ROCK2: variants seen among roughly 807,000 people sequenced by gnomAD.
ROCK2 encodes the protein rho-associated protein kinase 2.
Under a neutral mutation model 195.1 loss-of-function variants are expected in ROCK2, and 61 were observed. The ratio of observed to expected loss-of-function variants is 0.31; its 90% CI spans 0.25 to 0.39. ROCK2 has a LOEUF of 0.39. Among genes scored for constraint, ROCK2 ranks in the 10% least tolerant of loss-of-function variants. The pLI is 1.00. For missense variants in ROCK2, 1,109 were observed against 1,637.4 expected, an observed-to-expected ratio of 0.68 and a Z score of 5.57; for synonymous variants, 504 against 545.5, an observed-to-expected ratio of 0.92 and a Z score of 1.06.
intron 1 of ROCK2, among the ~76,000 whole-genome samples, chr2:11,318,472 T>C (rs1174796996): frequency 6.6e-6 from 1 of 152,202 alleles, no homozygotes; most frequent in Non-Finnish European, 1.5e-5. Flanking sequence ...TTTTTTCTTG[T>C]AAATTTGAGT....
At chr2:11,313,475 ATTT>A (rs1668100040) in intron 1 of ROCK2, among the ~76,000 whole-genome samples, 1 of 151,862 alleles carries the variant, frequency 6.6e-6, no homozygotes, top group Admixed American at 6.6e-5. Flanking sequence ...CCTGAGCATT[ATTT>A]TTGTCGTTTG....
chr2:11,335,184 A>G (rs1312889970), intron 1 of ROCK2, among the ~76,000 whole-genome samples: 1 of 152,024 alleles, frequency 6.6e-6, no homozygotes, highest in Non-Finnish European at 1.5e-5. Context: ...GGGGAATGAG[A>G]GAAATGCTAA....
intron 1 of ROCK2, 21 bp downstream of exon 1, chr2:11,343,975 T>C (rs1224579732): frequency 6.3e-7 from 1 of 1,583,478 alleles, no homozygotes. Context: ...ACGAGCAAGC[T>C]CCCAGGCCCC....
In ROCK2 at chr2:11,314,942, T is replaced by A. The variant is rs376953273; in HGVS notation, c.142-27206A>T. ...CTTTATTAAAATGTGCATATTCTTA[T>A]CCATAAGCAAAACCTATGAAAATGA... On this transcript the variant is annotated intron_variant, in intron 1 of 32. Coordinates refer to ENST00000315872, the MANE Select transcript of ROCK2 (RefSeq NM_004850.5). Among the ~76,000 whole-genome samples, 4 of 152,030 alleles carry A rather than the reference T, an allele frequency of 2.6e-5. No homozygotes were observed. The East Asian group carries it at 5.8e-4, about 22-fold the overall frequency.
intron 3 of ROCK2, among the ~76,000 whole-genome samples, chr2:11,266,603 A>G (rs754513004): frequency 6.6e-6 from 1 of 152,234 alleles, no homozygotes; most frequent in Non-Finnish European, 1.5e-5. Flanking sequence ...ACCAACTATT[A>G]TAAAACTTTC....
At chr2:11,280,721 C>T (rs187846428) in intron 3 of ROCK2, among the ~76,000 whole-genome samples, 2 of 152,112 alleles carry the variant, frequency 1.3e-5, no homozygotes, top group Non-Finnish European at 2.9e-5. Flanking sequence ...TGCCAAAACT[C>T]ATACAAGAAG....
At chr2:11,239,651 C>T (rs1665354164) in intron 4 of ROCK2, among the ~76,000 whole-genome samples, 1 of 152,152 alleles carries the variant, frequency 6.6e-6, no homozygotes, top group African/African-American at 2.4e-5. Flanking sequence ...GGTAAATGAG[C>T]AAATAACATG....
chr2:11,334,510 C>CAAA (rs34182610), intron 1 of ROCK2, among the ~76,000 whole-genome samples: 102 of 89,450 alleles, frequency 1.1e-3, no homozygotes, highest in South Asian at 3.6e-3. Context: ...GACTCTGTCT[C>CAAA]AAAAAAAAAA....
chr2:11,292,421 G>A (rs975574918), intron 1 of ROCK2, among the ~76,000 whole-genome samples: 1 of 152,100 alleles, frequency 6.6e-6, no homozygotes, highest in African/African-American at 2.4e-5. Flanking sequence ...CACAGAAACT[G>A]AAGCTTAAAG....
At chr2:11,318,065 A>G (rs1002320641) in intron 1 of ROCK2, among the ~76,000 whole-genome samples, 1 of 152,158 alleles carries the variant, frequency 6.6e-6, no homozygotes, top group Non-Finnish European at 1.5e-5. Context: ...TAGTGCCGCA[A>G]TAAACATACG....
At chr2:11,246,716 G>C (rs1340282888) in intron 4 of ROCK2, among the ~76,000 whole-genome samples, 1 of 152,054 alleles carries the variant, frequency 6.6e-6, no homozygotes, top group Non-Finnish European at 1.5e-5. Flanking sequence ...TCTAACAAAA[G>C]TATAGTAACT....
chr2:11,301,234 C>G (rs1294496618), intron 1 of ROCK2, among the ~76,000 whole-genome samples: 2 of 151,584 alleles, frequency 1.3e-5, no homozygotes, highest in Non-Finnish European at 2.9e-5. Flanking sequence ...TACTATAGTC[C>G]ATGTATACAA....
intron 3 of ROCK2, among the ~76,000 whole-genome samples, chr2:11,264,418 T>G (rs966028345): frequency 3.3e-5 from 5 of 152,142 alleles, no homozygotes; most frequent in African/African-American, 1.2e-4. Flanking sequence ...CAGTGATGAC[T>G]CCTAATTTTT....
Position 11,344,437 on chromosome 2 carries a change from AG to A in ROCK2, c.-302del, listed in dbSNP as rs1669221169. 9.6e-7 allele frequency: 1 copy of A among 1,041,708 alleles called. No individual in the cohort carries two copies. The highest frequency in any genetic ancestry group is 7.4e-5 in the East Asian group (1 of 13,562). The allele number at this position is 1,041,708 out of a possible 1,614,324, so 64.5% of individuals were successfully genotyped here. On this transcript the variant is annotated 5_prime_UTR_variant, in exon 1 of 33. Transcript: ENST00000315872. This position sits in a 1 kb window ranked among gnomAD's most constrained non-coding sequence, Gnocchi z 5.4. ...CCGCTGGTCCTCAGCGAGTGCCCGC[AG>A]GAGTCCTCGGGCGGGAGCAGGGAAG...
chr2:11,245,872 C>T (rs1341343630), intron 4 of ROCK2, among the ~76,000 whole-genome samples: 1 of 152,076 alleles, frequency 6.6e-6, no homozygotes, highest in Non-Finnish European at 1.5e-5. Flanking sequence ...TGATTCTCCC[C>T]CAAAATTGGT....
In ROCK2 at chr2:11,194,331, CT is replaced by C; in HGVS notation, c.3532del (p.Ser1178AlafsTer23). 7.0e-7 allele frequency: 1 copy of C among 1,424,586 alleles called. No homozygotes were observed. The highest frequency in any genetic ancestry group is 9.5e-7 in the Non-Finnish European group (1 of 1,049,352). The allele number at this position is 1,424,586 out of a possible 1,614,324, so 88.2% of individuals were successfully genotyped here. On this transcript the variant is annotated frameshift_variant, in exon 29 of 33. Coordinates refer to ENST00000315872, the MANE Select transcript of ROCK2 (RefSeq NM_004850.5). LOFTEE classifies it high-confidence loss of function. ...FGWVKKYVIVSSKKILFYDSE... is the reference protein window; with the variant it reads ...FGWVKKYVIVXSKKILFYDSE... Reference sequence around the variant, plus strand: ...GTCATAGAAAAGAATCTTCTTACTGCTTACAATCACATACTGTTAAAACAGG... The same window carrying C: ...GTCATAGAAAAGAATCTTCTTACTGCTACAATCACATACTGTTAAAACAGG...
rs1277693215 is a variant in ROCK2, at chr2:11,273,919, A to G, written c.324+12620T>C. On this transcript the variant is annotated intron_variant, in intron 3 of 32. Coordinates refer to ENST00000315872, the MANE Select transcript of ROCK2 (RefSeq NM_004850.5). The stretch of plus-strand genomic sequence containing the variant: ...ACTCTAACCTGGGTGACAGAGCAAG[A>G]CTCCATCTCAAAAAAAAAAAAAAAG... Among the ~76,000 whole-genome samples the G allele has an allele frequency of 3.0e-5, 4 of 132,096 alleles. No homozygotes were observed. In the Admixed American group the frequency reaches 3.4e-4, roughly 11 times the overall value. The allele number at this position is 132,096 out of a possible 152,430, so 86.7% of individuals were successfully genotyped here.
chr2:11,249,352 A>G (rs879458508), intron 4 of ROCK2, among the ~76,000 whole-genome samples: 8 of 152,236 alleles, frequency 5.3e-5, no homozygotes, highest in African/African-American at 1.2e-4. Context: ...TGTTCCTACT[A>G]TGTAAATCAC....
At chr2:11,267,948 C>G (rs919849876) in intron 3 of ROCK2, among the ~76,000 whole-genome samples, 5 of 151,854 alleles carry the variant, frequency 3.3e-5, no homozygotes, top group Non-Finnish European at 7.4e-5. Context: ...CGCCTGGCCC[C>G]AATATGCCTT....
Sources: allele counts gnomAD v4.1 joint callset (sites outside exome capture counted in the v4.1 genomes callset), GRCh38; gene constraint gnomAD v4.1.1; non-coding constraint Gnocchi (gnomAD v3.1); transcripts MANE v1.5; gene names NCBI Gene and HGNC (gene_info 2026-07-23, HGNC 2026-07-21).